The following CETP variants were observed in gnomAD, a reference collection of about 807,000 sequenced individuals.
The protein encoded by CETP is BPI fold containing family F.
In CETP, 56 loss-of-function variants were observed where a neutral mutation model predicts 66.5. The observed-to-expected ratio is 0.84, with a 90% CI of 0.68 to 1.05. The LOEUF (loss-of-function observed/expected upper bound fraction) is 1.05. Ranked by LOEUF, CETP falls within the 50% of genes least tolerant of loss-of-function variation. The pLI is 0.00. For missense variants in CETP, 612 were observed against 609.6 expected (o/e 1.00, Z -0.04); for synonymous variants, 251 against 245.7 (o/e 1.02, Z -0.20).
intron 14 of CETP, among the ~76,000 whole-genome samples, chr16:56,982,595 G>A (rs902295427): frequency 6.6e-6 from 1 of 152,224 alleles, no homozygotes; most frequent in Non-Finnish European, 1.5e-5. Flanking sequence ...TTCCCTTTCT[G>A]TGAAACAAGA....
In CETP at chr16:56,969,528, T is replaced by A. The variant is rs1298598730; in HGVS notation, c.368+8T>A. On this transcript the variant is annotated splice_region_variant and intron_variant, in intron 3 of 15. Coordinates refer to ENST00000200676, the MANE Select transcript of CETP (RefSeq NM_000078.3). ...CTACACCACTGCCTGGTGGTAAGCA[T>A]TCCTGTCAGCTGATGCCCCATGCCC... The A allele has an allele frequency of 6.2e-7, 1 of 1,614,238 alleles. No individual in the cohort carries two copies. The highest frequency in any genetic ancestry group is 2.2e-5 in the East Asian group (1 of 44,892).
intron 9 of CETP, 48 bp from the exon 10 acceptor site, chr16:56,975,053 G>T (rs1452686847): frequency 1.5e-5 from 24 of 1,582,006 alleles, no homozygotes; most frequent in Non-Finnish European, 2.1e-5. Context: ...TTCTTCTGAG[G>T]AGTGGACTTT....
intron 11 of CETP, 110 bp from the exon 12 acceptor site, chr16:56,981,048 C>A: frequency 1.2e-6 from 1 of 838,022 alleles, no homozygotes; most frequent in Non-Finnish European, 2.1e-6. Flanking sequence ...CCGTGTCATC[C>A]TTGCCTCTCC....
At chr16:56,962,780 G>C (rs2056033450) in intron 1 of CETP, among the ~76,000 whole-genome samples, 1 of 152,150 alleles carries the variant, frequency 6.6e-6, no homozygotes, top group Non-Finnish European at 1.5e-5. Flanking sequence ...GGATCCAGAG[G>C]CTAGGGTATG....
intron 11 of CETP, among the ~76,000 whole-genome samples, chr16:56,979,709 G>C (rs1326435531): frequency 1.3e-5 from 2 of 152,092 alleles, no homozygotes; most frequent in Non-Finnish European, 2.9e-5. Flanking sequence ...GTTTCACCAG[G>C]TTGGCCAGGC....
chr16:56,964,717 G>A (rs1185531909), intron 2 of CETP, among the ~76,000 whole-genome samples: 2 of 152,234 alleles, frequency 1.3e-5, no homozygotes, highest in Non-Finnish European at 2.9e-5. Flanking sequence ...GGGCGCCAGC[G>A]GTGCTGGATG....
chr16:56,965,348 T>C (rs377170613), intron 2 of CETP, among the ~76,000 whole-genome samples: 66 of 152,304 alleles, frequency 4.3e-4, no homozygotes, highest in African/African-American at 1.4e-3. Flanking sequence ...AGTTGGATAA[T>C]GGGTAAGATG....
chr16:56,980,641 C>T (rs758174490), intron 11 of CETP, among the ~76,000 whole-genome samples: 70 of 151,980 alleles, frequency 4.6e-4, no homozygotes, highest in Non-Finnish European at 6.6e-4. Flanking sequence ...AAGAATTATT[C>T]GGCCGGGCAC....
chr16:56,971,198 A>G, intron 6 of CETP, 96 bp downstream of exon 6: 1 of 1,511,610 alleles, frequency 6.6e-7, no homozygotes, highest in South Asian at 1.1e-5. Flanking sequence ...TGCCACTCCC[A>G]CCTTCTCCAT....
At chr16:56,973,307 A>G (rs774886096) in intron 8 of CETP, 24 bp from the exon 9 acceptor site, 19 of 1,613,706 alleles carry the variant, frequency 1.2e-5, no homozygotes, top group Middle Eastern at 1.6e-4. Context: ...CACAGGGTCC[A>G]GCCAGCGTCC....
chr16:56,970,122 G>A, intron 5 of CETP, 121 bp downstream of exon 5: 4 of 848,278 alleles, frequency 4.7e-6, no homozygotes, highest in South Asian at 4.3e-5. Flanking sequence ...CCTGAGGGCA[G>A]CAATACCTTC....
chr16:56,970,951 T>A, intron 5 of CETP, 82 bp from the exon 6 acceptor site: 1 of 1,308,408 alleles, frequency 7.6e-7, no homozygotes, highest in Non-Finnish European at 1.1e-6. Context: ...AACAGAGCCA[T>A]GAACGGTGCC....
At chr16:56,972,678 C>T (rs7499892) in intron 8 of CETP, among the ~76,000 whole-genome samples, 36,125 of 152,138 alleles carry the variant, frequency 0.24, 4,956 homozygotes, top group African/African-American at 0.38. Flanking sequence ...TGGCCTGAAC[C>T]TGATCGCAGG....
At chr16:56,975,696 A>T (rs12720942) in intron 10 of CETP, among the ~76,000 whole-genome samples, 91 of 152,072 alleles carry the variant, frequency 6.0e-4, no homozygotes, top group African/African-American at 2.0e-3. Context: ...AATGGACCTC[A>T]TGCTTTCTGA....
intron 10 of CETP, 56 bp downstream of exon 10, chr16:56,975,207 G>GAA: frequency 6.8e-7 from 1 of 1,475,220 alleles, no homozygotes; most frequent in Non-Finnish European, 9.5e-7. Flanking sequence ...ATCCTGCTCT[G>GAA]GCTTCAAGAG....
chr16:56,977,268 C>G (rs1245807309), intron 10 of CETP, among the ~76,000 whole-genome samples: 1 of 152,106 alleles, frequency 6.6e-6, no homozygotes, highest in African/African-American at 2.4e-5. Flanking sequence ...TCTTGTGTAT[C>G]CAGCGGTTCA....
intron 2 of CETP, among the ~76,000 whole-genome samples, chr16:56,965,920 C>A (rs537344821): frequency 6.6e-6 from 1 of 152,290 alleles, no homozygotes; most frequent in East Asian, 1.9e-4. Context: ...CCAGGGCCAA[C>A]GCTTCTCCCA....
rs933760754 is a variant in CETP, at chr16:56,971,997, A to T, written c.664A>T (p.Ile222Phe). ...ADFVQTRAAS[I>F]LSDGDIGVDI... ...TTGATCTTTTCCTCCTGCAGCCAGC[A>T]TCCTTTCAGATGGAGACATTGGGGT... The change falls in exon 8 of 16, where the codon ATC becomes TTC. Residue 222 changes from isoleucine (I) to phenylalanine (F), a missense_variant. Ile to Phe is a conservative substitution (Grantham distance 21, BLOSUM62 0). Coordinates refer to ENST00000200676, the MANE Select transcript of CETP (RefSeq NM_000078.3). 22 of 1,613,990 alleles carry T rather than the reference A, an allele frequency of 1.4e-5. No homozygotes were observed. Among genetic ancestry groups the T allele is most frequent in the Non-Finnish European group, 1.8e-5 (21 of 1,179,972 alleles).
At chr16:56,967,505 A>AT (rs1329529474) in intron 2 of CETP, among the ~76,000 whole-genome samples, 6 of 152,050 alleles carry the variant, frequency 3.9e-5, no homozygotes, top group Non-Finnish European at 7.4e-5. Context: ...AAGTACAAAA[A>AT]TTAGCTGGAT....
Sources: allele counts gnomAD v4.1 joint callset (sites outside exome capture counted in the v4.1 genomes callset), GRCh38; gene constraint gnomAD v4.1.1; transcripts MANE v1.5; gene names NCBI Gene and HGNC (gene_info 2026-07-23, HGNC 2026-07-21).